Variants in RPTOR observed in about 807,000 individuals in gnomAD.
RPTOR encodes regulatory associated protein of MTOR complex 1, also known as regulatory-associated protein of mTOR.
Under a neutral mutation model 169.9 loss-of-function variants are expected in RPTOR, and 21 were observed. The ratio of observed to expected loss-of-function variants is 0.12; its 90% confidence interval spans 0.09 to 0.18. The LOEUF (loss-of-function observed/expected upper bound fraction) is 0.18, where lower values mean the gene tolerates loss of function less well. RPTOR is among the 10% of genes least tolerant of loss of function. RPTOR has a pLI of 1.00. For missense variants in RPTOR, 1,133 were observed against 1,855.9 expected, an observed-to-expected ratio of 0.61 and a Z score of 7.16; for synonymous variants, 732 against 753.2, an observed-to-expected ratio of 0.97 and a Z score of 0.46.
intron 13 of RPTOR, among the ~76,000 whole-genome samples, chr17:80,873,325 A>G (rs2068071769): frequency 6.6e-6 from 1 of 152,038 alleles, no homozygotes; most frequent in African/African-American, 2.4e-5. Context: ...GGCATACGTG[A>G]TCTGGAATTG....
intron 10 of RPTOR, among the ~76,000 whole-genome samples, chr17:80,839,785 C>G (rs1015316640): frequency 6.6e-6 from 1 of 152,232 alleles, no homozygotes; most frequent in Non-Finnish European, 1.5e-5. Flanking sequence ...TCAGAATAAT[C>G]TGCTCTTATA....
At chr17:80,597,503 G>A (rs1481700877) in intron 1 of RPTOR, among the ~76,000 whole-genome samples, 1 of 152,004 alleles carries the variant, frequency 6.6e-6, no homozygotes, top group Non-Finnish European at 1.5e-5. Flanking sequence ...TGAAAGATAG[G>A]CTTTGTTTTC....
chr17:80,790,548 AT>A (rs1357323430), intron 6 of RPTOR, among the ~76,000 whole-genome samples: 2 of 152,026 alleles, frequency 1.3e-5, no homozygotes, highest in African/African-American at 2.4e-5. Context: ...TGGGTCCACC[AT>A]CCCCCATAGA....
chr17:80,813,584 T>C (rs1377188667), intron 7 of RPTOR, among the ~76,000 whole-genome samples: 1 of 152,222 alleles, frequency 6.6e-6, no homozygotes, highest in African/African-American at 2.4e-5. Context: ...GATAGACATA[T>C]ATAGCTTCCC....
chr17:80,874,350 C>G (rs1008870757), intron 13 of RPTOR, among the ~76,000 whole-genome samples: 1 of 152,098 alleles, frequency 6.6e-6, no homozygotes, highest in Non-Finnish European at 1.5e-5. Flanking sequence ...GCGCGTGCCA[C>G]CACGCCCAGC....
At chr17:80,885,246 C>G in intron 17 of RPTOR, 98 bp downstream of exon 17, 1 of 1,366,224 alleles carries the variant, frequency 7.3e-7, no homozygotes, top group Non-Finnish European at 9.8e-7. Flanking sequence ...GCAGGGAGCA[C>G]TCAGTTTCCA....
intron 6 of RPTOR, among the ~76,000 whole-genome samples, chr17:80,791,056 CATTT>C (rs2067042753): frequency 6.6e-6 from 1 of 152,046 alleles, no homozygotes; most frequent in African/African-American, 2.4e-5. Flanking sequence ...TGAGGCTACT[CATTT>C]ATTCTACTCC....
rs1567888563 is a variant in RPTOR, at chr17:80,744,370, CGAGCACAGCCCTGGT to C, written c.655-9639_655-9625del. On this transcript the variant is annotated intron_variant, in intron 5 of 33. Transcript: ENST00000306801. ...CTGGCTACTAGCACTGTCCTGGTTACGAGCACAGCCCTGGTTACGAGCACTGTCCTGGCTACTAGC... is the reference window on the plus strand; with the variant it reads ...CTGGCTACTAGCACTGTCCTGGTTACTACGAGCACTGTCCTGGCTACTAGC... Among the ~76,000 whole-genome samples, 88 of 116,800 alleles carry C rather than the reference CGAGCACAGCCCTGGT, an allele frequency of 7.5e-4. 2 individuals are homozygous for C. The highest frequency in any genetic ancestry group is 1.2e-3 in the Non-Finnish European group (65 of 56,264). 76.6% of individuals were successfully genotyped at this position (116,800 alleles called of 152,430 possible). A position where few individuals can be genotyped will look rare whatever the true frequency, so the allele number is the denominator to read the frequency against.
chr17:80,705,334 A>T (rs2066134742), intron 3 of RPTOR, among the ~76,000 whole-genome samples: 1 of 152,266 alleles, frequency 6.6e-6, no homozygotes, highest in African/African-American at 2.4e-5. Flanking sequence ...ACCCCGCCTC[A>T]GACCAGGGCT....
intron 2 of RPTOR, among the ~76,000 whole-genome samples, chr17:80,634,122 G>A (rs1401996270): frequency 1.3e-5 from 2 of 148,992 alleles, no homozygotes; most frequent in Admixed American, 6.7e-5. Context: ...TGCATACTGT[G>A]TGTGTGTGTG....
Position 80,562,374 on chromosome 17 carries a change from G to A in RPTOR, c.162+16583G>A, listed in dbSNP as rs1352561939. 2.0e-5 allele frequency among the ~76,000 whole-genome samples: 3 copies of A among 152,152 alleles called. No individual in the cohort carries two copies. Among genetic ancestry groups the A allele is most frequent in the Non-Finnish European group, 4.4e-5 (3 of 68,032 alleles). ...CAGTGTGTGGCCTTCGTTTACCCCT[G>A]CTTCCCCTCACTCCCCTGCTTGGGG... is the stretch of plus-strand genomic sequence containing the variant. On this transcript the variant is annotated intron_variant, in intron 1 of 33. Coordinates refer to ENST00000306801, the MANE Select transcript of RPTOR (RefSeq NM_020761.3). This position sits in a 1 kb window ranked among gnomAD's most constrained non-coding sequence, Gnocchi z 4.4.
At chr17:80,956,700 C>T (rs936344623) in intron 28 of RPTOR, among the ~76,000 whole-genome samples, 3 of 152,240 alleles carry the variant, frequency 2.0e-5, no homozygotes, top group Admixed American at 2.0e-4. Context: ...ATGGTGAGCA[C>T]CTTAGACAGA....
intron 31 of RPTOR, 74 bp downstream of exon 31, chr17:80,961,554 T>A: frequency 6.9e-7 from 1 of 1,453,814 alleles, no homozygotes; most frequent in Non-Finnish European, 9.3e-7. Context: ...AATACGTCCT[T>A]GGTATTTAAA....
chr17:80,809,041 T>A (rs2067246892), intron 7 of RPTOR, among the ~76,000 whole-genome samples: 1 of 152,246 alleles, frequency 6.6e-6, no homozygotes, highest in Non-Finnish European at 1.5e-5. Context: ...AGTGAATTGC[T>A]TGGTCATATG....
At chr17:80,628,287 C>T (rs1255270808) in intron 2 of RPTOR, among the ~76,000 whole-genome samples, 1 of 152,150 alleles carries the variant, frequency 6.6e-6, no homozygotes, top group Non-Finnish European at 1.5e-5. Flanking sequence ...TATCTGGTAT[C>T]ATAATCATTC....
At chr17:80,963,112 G>T in intron 33 of RPTOR, 55 bp downstream of exon 33, 1 of 1,346,140 alleles carries the variant, frequency 7.4e-7, no homozygotes, top group Non-Finnish European at 1.0e-6. Context: ...AGAGGGATGG[G>T]AGGCAAGGGG....
chr17:80,893,014 G>C, intron 19 of RPTOR, 145 bp downstream of exon 19: 1 of 1,027,518 alleles, frequency 9.7e-7, no homozygotes, highest in Non-Finnish European at 1.4e-6. Flanking sequence ...ATGGTGATGA[G>C]TCACCCTTCC....
chr17:80,727,143 C>T (rs1010066805), intron 4 of RPTOR, among the ~76,000 whole-genome samples: 4 of 151,888 alleles, frequency 2.6e-5, no homozygotes, highest in African/African-American at 7.2e-5. Flanking sequence ...CACCTCTGAC[C>T]ACTTCCTGCT....
chr17:80,855,496 A>G lies in RPTOR; in HGVS notation c.1347A>G (p.Ala449=). Residue 449 remains alanine (A), a synonymous_variant, in exon 12 of 34, where the codon GCA becomes GCG. Transcript: ENST00000306801. Reference sequence around the variant, plus strand: ...TAAGCCAAGTGCACCGGCTGAGAGCATTGGACTTGCTTGGAAGATTTTTGG... The same window carrying G: ...TAAGCCAAGTGCACCGGCTGAGAGCGTTGGACTTGCTTGGAAGATTTTTGG... The part of the protein sequence containing the change: ...VLLSQVHRLR[A]LDLLGRFLDL... 3.7e-6 allele frequency: 6 copies of G among 1,614,082 alleles called. No individual in the cohort carries two copies. The highest frequency in any genetic ancestry group is 1.3e-5 in the African/African-American group (1 of 75,026).
Sources: allele counts gnomAD v4.1 joint callset (sites outside exome capture counted in the v4.1 genomes callset), GRCh38; gene constraint gnomAD v4.1.1; non-coding constraint Gnocchi (gnomAD v3.1); transcripts MANE v1.5; gene names NCBI Gene and HGNC (gene_info 2026-07-23, HGNC 2026-07-21).